TLN2: variants seen among roughly 807,000 people sequenced by gnomAD.
TLN2 encodes talin-2.
A neutral mutation model predicts 294.7 loss-of-function variants in TLN2; 118 were observed. That is an observed-to-expected ratio of 0.40 (90% CI 0.34 to 0.47). The LOEUF (loss-of-function observed/expected upper bound fraction) is 0.47. Among genes scored for constraint, TLN2 ranks in the 20% least tolerant of loss-of-function variants. TLN2 has a pLI of 0.84. For missense variants in TLN2, 3,083 were observed against 3,282.2 expected, an observed-to-expected ratio of 0.94 and a Z score of 1.48; for synonymous variants, 1,431 against 1,304.5, an observed-to-expected ratio of 1.10 and a Z score of -2.09.
intron 50 of TLN2, among the ~76,000 whole-genome samples, chr15:62,802,887 G>T (rs538722381): frequency 6.6e-6 from 1 of 152,264 alleles, no homozygotes; most frequent in South Asian, 2.1e-4. Flanking sequence ...TTTGAGAAAT[G>T]TCTATTGAGA....
chr15:62,792,686 T>C lies in TLN2; in HGVS notation c.5782T>C (p.Cys1928Arg), dbSNP rs2065157312. The part of the protein sequence containing the change: ...RTRVQDLGHG[C>R]IFLVQKAGAL... ...TCGTGTGCAGGACCTGGGCCACGGCTGTATCTTCCTGGTGCAGAAGGCAGG... is the reference window on the plus strand; with the variant it reads ...TCGTGTGCAGGACCTGGGCCACGGCCGTATCTTCCTGGTGCAGAAGGCAGG... Residue 1928 changes from cysteine (C) to arginine (R), a missense_variant, in exon 46 of 59, where the codon TGT becomes CGT. Cys to Arg is a radical substitution (Grantham distance 180). Coordinates refer to ENST00000636159, the MANE Select transcript of TLN2 (RefSeq NM_015059.3). 6.2e-7 allele frequency: 1 copy of C among 1,614,014 alleles called. No homozygotes were observed.
intron 1 of TLN2, among the ~76,000 whole-genome samples, chr15:62,556,568 G>C (rs761721249): frequency 5.3e-5 from 8 of 152,010 alleles, no homozygotes; most frequent in Non-Finnish European, 1.2e-4. Flanking sequence ...TACGGTGCTG[G>C]AATTACAGGT....
chr15:62,674,743 C>G (rs2055950069), intron 10 of TLN2, among the ~76,000 whole-genome samples: 1 of 152,158 alleles, frequency 6.6e-6, no homozygotes, highest in Non-Finnish European at 1.5e-5. Flanking sequence ...CTCAAATGAT[C>G]TAGCCACCTT....
At chr15:62,676,276 A>G (rs77136322) in intron 11 of TLN2, among the ~76,000 whole-genome samples, 6,271 of 152,282 alleles carry the variant, frequency 0.041, 447 homozygotes, top group African/African-American at 0.14. Flanking sequence ...CCAAGATGTT[A>G]TGCATCAGAA....
At chr15:62,701,063 A>G (rs1211508535) in intron 16 of TLN2, 43 bp from the exon 17 acceptor site, 5 of 1,563,266 alleles carry the variant, frequency 3.2e-6, no homozygotes, top group African/African-American at 2.7e-5. Context: ...CTCCTGGGTA[A>G]TTCTGTGCTG....
chr15:62,588,472 C>T (rs1224456090), intron 1 of TLN2, among the ~76,000 whole-genome samples: 1 of 150,958 alleles, frequency 6.6e-6, no homozygotes, highest in African/African-American at 2.4e-5. Context: ...CCCGTCTCTA[C>T]TAAAAATACA....
intron 37 of TLN2, 114 bp downstream of exon 37, chr15:62,755,807 A>G: frequency 7.4e-7 from 1 of 1,355,036 alleles, no homozygotes; most frequent in African/African-American, 1.5e-5. Context: ...TTAACTTCTA[A>G]TTCAGTCTTA....
intron 20 of TLN2, 121 bp downstream of exon 20, chr15:62,707,374 T>A: frequency 8.3e-7 from 1 of 1,199,318 alleles, no homozygotes; most frequent in Non-Finnish European, 1.1e-6. Flanking sequence ...AGAGCTTCCT[T>A]AAAGTGTCTT....
At chr15:62,565,613 C>T (rs1199327713) in intron 1 of TLN2, among the ~76,000 whole-genome samples, 6 of 152,140 alleles carry the variant, frequency 3.9e-5, no homozygotes, top group Admixed American at 2.6e-4. Flanking sequence ...TTTGACTACC[C>T]TTGTTTTGCT....
At chr15:62,803,880 G>C (rs2066094613) in intron 50 of TLN2, among the ~76,000 whole-genome samples, 1 of 152,140 alleles carries the variant, frequency 6.6e-6, no homozygotes. Context: ...TGAAGAGTTA[G>C]GTATTTATTA....
At chr15:62,426,740 C>T (rs1433661508) in intron 1 of TLN2, among the ~76,000 whole-genome samples, 1 of 152,050 alleles carries the variant, frequency 6.6e-6, no homozygotes, top group African/African-American at 2.4e-5. Flanking sequence ...CCTTGGCAAA[C>T]ATTTTTTTGG....
intron 29 of TLN2, 69 bp from the exon 30 acceptor site, chr15:62,738,145 C>T: frequency 6.4e-7 from 1 of 1,571,882 alleles, no homozygotes; most frequent in Non-Finnish European, 8.7e-7. Flanking sequence ...GCATGTTTCA[C>T]TGCCCATTCC....
At chr15:62,766,897 C>T (rs1326786312) in intron 41 of TLN2, among the ~76,000 whole-genome samples, 2 of 152,202 alleles carry the variant, frequency 1.3e-5, no homozygotes, top group Non-Finnish European at 2.9e-5. Flanking sequence ...TGACCAAACC[C>T]TCCCTAGGTG....
At chr15:62,414,832 A>G (rs1336528819) in intron 1 of TLN2, among the ~76,000 whole-genome samples, 2 of 141,580 alleles carry the variant, frequency 1.4e-5, no homozygotes, top group Non-Finnish European at 3.0e-5. Flanking sequence ...CTCTAAAAGC[A>G]GACTCTGGTT....
rs370083786 is a variant in TLN2, at chr15:62,550,145, A to G, written c.-237-39542A>G. ...GAGTGGTCAGAGTGGTTAAGGAAGGATGGAGGAGAGCTTCCAGGTCTGAGT... is the reference window on the plus strand; with the variant it reads ...GAGTGGTCAGAGTGGTTAAGGAAGGGTGGAGGAGAGCTTCCAGGTCTGAGT... On this transcript the variant is annotated intron_variant, in intron 1 of 58. Transcript: ENST00000636159. 5.9e-5 allele frequency among the ~76,000 whole-genome samples: 9 copies of G among 152,140 alleles called. No individual in the cohort carries two copies. The East Asian group carries it at 1.7e-3, about 29-fold the overall frequency.
intron 50 of TLN2, 105 bp from the exon 51 acceptor site, chr15:62,805,495 A>T: frequency 8.2e-7 from 1 of 1,218,856 alleles, no homozygotes; most frequent in Non-Finnish European, 1.1e-6. Context: ...TCTTCCAGTT[A>T]CTGGCTCAGT....
At chr15:62,505,513 A>G (rs1217520449) in intron 1 of TLN2, among the ~76,000 whole-genome samples, 1 of 152,168 alleles carries the variant, frequency 6.6e-6, no homozygotes, top group Non-Finnish European at 1.5e-5. Context: ...GTTTCTGCCC[A>G]CTGGAGCCCA....
intron 2 of TLN2, among the ~76,000 whole-genome samples, chr15:62,618,006 C>T (rs970768289): frequency 6.7e-6 from 1 of 149,548 alleles, no homozygotes; most frequent in South Asian, 2.1e-4. Context: ...ACTATGTTGC[C>T]TGGGTTGGTC....
intron 3 of TLN2, among the ~76,000 whole-genome samples, chr15:62,622,654 A>T (rs1353498496): frequency 1.3e-5 from 2 of 152,214 alleles, no homozygotes; most frequent in African/African-American, 4.8e-5. Flanking sequence ...AAAAATGCAG[A>T]TGTGGCATTT....
Sources: allele counts gnomAD v4.1 joint callset (sites outside exome capture counted in the v4.1 genomes callset), GRCh38; gene constraint gnomAD v4.1.1; transcripts MANE v1.5; gene names NCBI Gene and HGNC (gene_info 2026-07-23, HGNC 2026-07-21).